Variants in SUGCT observed in about 807,000 individuals in gnomAD.
SUGCT encodes the protein succinyl-CoA:glutarate CoA-transferase.
A neutral mutation model predicts 55.0 loss-of-function variants in SUGCT; 41 were observed. That is an observed-to-expected ratio of 0.74 (90% confidence interval 0.58 to 0.97). SUGCT has a LOEUF of 0.97. Among genes scored for constraint, SUGCT ranks in the 50% least tolerant of loss-of-function variants. The pLI is 0.00. For synonymous variants in SUGCT, 187 were observed against 200.4 expected (o/e 0.93, Z 0.56); for missense variants, 568 against 547.8 (o/e 1.04, Z -0.37).
chr7:40,621,568 C>T (rs1353080871), intron 12 of SUGCT, among the ~76,000 whole-genome samples: 1 of 152,106 alleles, frequency 6.6e-6, no homozygotes, highest in Non-Finnish European at 1.5e-5. Context: ...AGCCCTGAGG[C>T]TGATCAGAAG....
intron 9 of SUGCT, among the ~76,000 whole-genome samples, chr7:40,428,823 G>C (rs1421710175): frequency 4.6e-5 from 7 of 152,068 alleles, no homozygotes; most frequent in Non-Finnish European, 5.9e-5. Flanking sequence ...TTGTCAGTGA[G>C]CTTTAAACTT....
At chr7:40,459,828 G>GT (rs1225768760) in intron 11 of SUGCT, among the ~76,000 whole-genome samples, 15 of 151,718 alleles carry the variant, frequency 9.9e-5, no homozygotes, top group Non-Finnish European at 1.5e-5. Flanking sequence ...TTATTTTTTT[G>GT]TAATACCTGT....
the SUGCT span, among the ~76,000 whole-genome samples, chr7:41,034,035 G>A: frequency 4.6e-5 from 7 of 152,192 alleles, no homozygotes; most frequent in African/African-American, 1.4e-4. Context: ...AATGTTGTCC[G>A]TGTACATTAT....
At chr7:40,961,445 A>C in the SUGCT span, among the ~76,000 whole-genome samples, 4 of 152,176 alleles carry the variant, frequency 2.6e-5, no homozygotes, top group African/African-American at 9.7e-5. Flanking sequence ...TTTTGTGATC[A>C]ATCACCTCCT....
chr7:40,759,709 T>C (rs184792980), intron 13 of SUGCT, among the ~76,000 whole-genome samples: 19 of 152,314 alleles, frequency 1.2e-4, no homozygotes, highest in African/African-American at 4.3e-4. Flanking sequence ...TTAAATGTTT[T>C]ATTTGAAGAT....
the SUGCT span, among the ~76,000 whole-genome samples, chr7:40,986,577 T>C: frequency 6.6e-6 from 1 of 152,200 alleles, no homozygotes; most frequent in Non-Finnish European, 1.5e-5. Flanking sequence ...CAGTGCGGGA[T>C]TGGGTCATTA....
At chr7:40,641,892 G>A (rs574383315) in intron 12 of SUGCT, among the ~76,000 whole-genome samples, 2 of 152,184 alleles carry the variant, frequency 1.3e-5, no homozygotes, top group African/African-American at 4.8e-5. Context: ...TTCTTTAAAC[G>A]TGAGCCAGTT....
Position 40,272,532 on chromosome 7 carries a change from C to T in SUGCT, c.577-1981C>T, listed in dbSNP as rs985263420. ...GACACTTGGGTTTATTCCATATTTC[C>T]GCTGTTGTCAATAGTGCTGCAGTAA... On this transcript the variant is annotated intron_variant, in intron 7 of 13. Transcript: ENST00000335693. 1.1e-4 allele frequency among the ~76,000 whole-genome samples: 16 copies of T among 151,506 alleles called. No individual in the cohort carries two copies. In the East Asian group the frequency reaches 1.2e-3, roughly 11 times the overall value.
intron 9 of SUGCT, among the ~76,000 whole-genome samples, chr7:40,373,782 A>G (rs1784415623): frequency 6.6e-6 from 1 of 152,160 alleles, no homozygotes. Context: ...TTGACAAGAT[A>G]ACTGTTTTAA....
the SUGCT span, among the ~76,000 whole-genome samples, chr7:40,938,215 A>ACAATTTAT: frequency 6.6e-6 from 1 of 152,148 alleles, no homozygotes; most frequent in Non-Finnish European, 1.5e-5. Context: ...GATTGGCATG[A>ACAATTTAT]TTACTTTATT....
intron 12 of SUGCT, among the ~76,000 whole-genome samples, chr7:40,524,157 T>C (rs1793692533): frequency 6.6e-6 from 1 of 152,178 alleles, no homozygotes; most frequent in Non-Finnish European, 1.5e-5. Context: ...ATTATTTGTT[T>C]TCCGAATGAG....
At chr7:40,530,420 A>T (rs1324903272) in intron 12 of SUGCT, among the ~76,000 whole-genome samples, 1 of 151,942 alleles carries the variant, frequency 6.6e-6, no homozygotes, top group Non-Finnish European at 1.5e-5. Context: ...GCCTTCAAAT[A>T]CTACTGCTAA....
intron 12 of SUGCT, among the ~76,000 whole-genome samples, chr7:40,689,231 G>T (rs1490203318): frequency 6.6e-6 from 1 of 152,190 alleles, no homozygotes; most frequent in Non-Finnish European, 1.5e-5. Context: ...AGAAAAGGTA[G>T]CCTTGGGTGG....
intron 12 of SUGCT, among the ~76,000 whole-genome samples, chr7:40,606,285 A>T (rs1005204566): frequency 6.6e-6 from 1 of 152,152 alleles, no homozygotes; most frequent in Non-Finnish European, 1.5e-5. Context: ...AGAAGACTGA[A>T]AGTGTGGATG....
At chr7:40,503,020 AT>A (rs1792375110) in intron 12 of SUGCT, among the ~76,000 whole-genome samples, 2 of 152,146 alleles carry the variant, frequency 1.3e-5, no homozygotes, top group Non-Finnish European at 2.9e-5. Context: ...CAAACAAATG[AT>A]TTCTATAGTA....
chr7:40,715,090 G>T (rs1204313063), intron 12 of SUGCT, among the ~76,000 whole-genome samples: 1 of 152,178 alleles, frequency 6.6e-6, no homozygotes, highest in Admixed American at 6.5e-5. Flanking sequence ...GTAAGGGTGT[G>T]ACTTGGATTA....
At chr7:40,465,891 AT>A (rs1004733368) in intron 11 of SUGCT, among the ~76,000 whole-genome samples, 1 of 151,362 alleles carries the variant, frequency 6.6e-6, no homozygotes, top group Non-Finnish European at 1.5e-5. Context: ...AAATAAATAT[AT>A]TTTTTTTGAG....
intron 7 of SUGCT, among the ~76,000 whole-genome samples, chr7:40,268,160 T>A (rs555873796): frequency 6.6e-6 from 1 of 152,326 alleles, no homozygotes; most frequent in South Asian, 2.1e-4. Context: ...TCAGTGGCTT[T>A]TAGTATACTT....
chr7:40,214,784 T>C (rs1050689227), intron 6 of SUGCT, among the ~76,000 whole-genome samples: 2 of 151,946 alleles, frequency 1.3e-5, no homozygotes, highest in Admixed American at 1.3e-4. Flanking sequence ...TGTGGTGGCA[T>C]GTGCCTGTAG....
Sources: gnomAD v4.1 joint callset for allele counts (sites outside exome capture counted in the v4.1 genomes callset) on GRCh38, gnomAD v4.1.1 for gene constraint, MANE v1.5 for transcripts, NCBI Gene and HGNC (gene_info 2026-07-23, HGNC 2026-07-21) for gene names.